PDS5A: variants seen among roughly 807,000 people sequenced by gnomAD.
PDS5A encodes the protein sister chromatid cohesion protein PDS5 homolog A.
A neutral mutation model predicts 167.1 loss-of-function variants in PDS5A; 42 were observed. The ratio of observed to expected loss-of-function variants is 0.25; its 90% CI spans 0.20 to 0.33. The LOEUF is 0.33. Ranked by LOEUF, PDS5A falls within the 10% of genes least tolerant of loss-of-function variation. The pLI is 1.00. For synonymous variants in PDS5A, 553 were observed against 554.6 expected, an observed-to-expected ratio of 1.00 and a Z score of 0.04; for missense variants, 1,033 against 1,605.9, an observed-to-expected ratio of 0.64 and a Z score of 6.10.
intron 28 of PDS5A, chr4:39,847,818 AG>A (rs1717758942): frequency 1.3e-5 from 2 of 152,200 alleles, no homozygotes; most frequent in Non-Finnish European, 2.9e-5. Flanking sequence ...TCTCTAAGCT[AG>A]GGGTCTCCAA....
In PDS5A at chr4:39,898,816, T is replaced by A. The variant is rs745893462; in HGVS notation, c.1591A>T (p.Asn531Tyr). ...AGTTTTCCAAACATGGCAGAACAGTTAGCCTCTGACTGAAATTTAAAACAG... is the reference window on the plus strand; with the variant it reads ...AGTTTTCCAAACATGGCAGAACAGTAAGCCTCTGACTGAAATTTAAAACAG... ...DLHKQPTSEA[N>Y]CSAMFGKLMT... The change falls in exon 15 of 33, where the codon AAC becomes TAC. Residue 531 changes from asparagine (N) to tyrosine (Y), a missense_variant. Physicochemically the swap from Asn to Tyr is moderately radical, Grantham distance 143. This residue lies in a region of PDS5A where 45 missense variants were observed against 40.2 expected (regional missense o/e 1.12). Coordinates refer to ENST00000303538, the MANE Select transcript of PDS5A (RefSeq NM_001100399.2). The A allele has an allele frequency of 1.8e-5, 28 of 1,589,442 alleles. No homozygotes were observed. Among genetic ancestry groups the A allele is most frequent in the Non-Finnish European group, 2.3e-5 (27 of 1,164,874 alleles).
At chr4:39,944,242 A>G (rs548968760) in intron 2 of PDS5A, among the ~76,000 whole-genome samples, 1 of 152,212 alleles carries the variant, frequency 6.6e-6, no homozygotes, top group African/African-American at 2.4e-5. Context: ...GTAGGTAAGA[A>G]ATGGTTTACT....
At chr4:39,842,629 T>C (rs1717129207) in intron 30 of PDS5A, among the ~76,000 whole-genome samples, 1 of 152,004 alleles carries the variant, frequency 6.6e-6, no homozygotes, top group African/African-American at 2.4e-5. Context: ...CAATATTAAG[T>C]GTTCCTAAGA....
chr4:39,913,816 A>T, intron 8 of PDS5A, 90 bp from the exon 9 acceptor site: 3 of 761,186 alleles, frequency 3.9e-6, no homozygotes. Context: ...ATACTATTTC[A>T]TATTTCTGCT....
intron 7 of PDS5A, among the ~76,000 whole-genome samples, chr4:39,918,714 C>T (rs141860602): frequency 2.6e-5 from 4 of 152,084 alleles, no homozygotes; most frequent in Non-Finnish European, 2.9e-5. Context: ...ATTAGCAGGG[C>T]GTGGTGGCAC....
chr4:39,923,342 A>G (rs1177827607), intron 5 of PDS5A, among the ~76,000 whole-genome samples: 3 of 149,480 alleles, frequency 2.0e-5, no homozygotes, highest in East Asian at 1.9e-4. Context: ...AAAAAAAAAA[A>G]AAAAGAAAAA....
intron 2 of PDS5A, among the ~76,000 whole-genome samples, chr4:39,953,556 C>A (rs561490524): frequency 6.6e-6 from 1 of 151,740 alleles, no homozygotes; most frequent in East Asian, 1.9e-4. Context: ...CATAGTGAGA[C>A]CTTGTCTCTA....
intron 17 of PDS5A, among the ~76,000 whole-genome samples, chr4:39,885,767 G>A (rs1269305665): frequency 2.0e-5 from 3 of 151,338 alleles, no homozygotes; most frequent in East Asian, 3.9e-4. Flanking sequence ...CCAAAACAAA[G>A]CAAACAAAAA....
intron 5 of PDS5A, among the ~76,000 whole-genome samples, chr4:39,924,810 A>G (rs1472877589): frequency 6.6e-6 from 1 of 152,220 alleles, no homozygotes; most frequent in Non-Finnish European, 1.5e-5. Flanking sequence ...TGCTTAATTT[A>G]CTATACAAAA....
chr4:39,860,008 A>T (rs886963735), intron 26 of PDS5A, among the ~76,000 whole-genome samples: 14 of 152,042 alleles, frequency 9.2e-5, no homozygotes, highest in African/African-American at 3.4e-4. Flanking sequence ...CCAAGGTGGG[A>T]GGATTGCTTG....
chr4:39,951,663 G>A (rs192259373), intron 2 of PDS5A, among the ~76,000 whole-genome samples: 3 of 152,302 alleles, frequency 2.0e-5, no homozygotes, highest in African/African-American at 7.2e-5. Flanking sequence ...CACTTTGGGA[G>A]GCCAAGGCGG....
intron 16 of PDS5A, among the ~76,000 whole-genome samples, chr4:39,894,719 A>T (rs1722245296): frequency 6.6e-6 from 1 of 152,232 alleles, no homozygotes; most frequent in East Asian, 1.9e-4. Context: ...GAACAAAGTT[A>T]GACATATGTA....
rs1211696642 is a variant in PDS5A, at chr4:39,837,837, G to A, written c.4010+19C>T. 4 of 1,550,460 alleles carry A rather than the reference G, an allele frequency of 2.6e-6. No homozygotes were observed. In the South Asian group the frequency reaches 3.5e-5, roughly 14 times the overall value. On this transcript the variant is annotated intron_variant, in intron 32 of 32. Coordinates refer to ENST00000303538, the MANE Select transcript of PDS5A (RefSeq NM_001100399.2). ...CAAAATGTCTAAATTCCCACTTGAG[G>A]AAGAATGGCGTACATTACCTTTGTA...
At chr4:39,835,584 C>T (rs1001723061) in intron 32 of PDS5A, among the ~76,000 whole-genome samples, 5 of 151,946 alleles carry the variant, frequency 3.3e-5, no homozygotes, top group South Asian at 4.2e-4. Context: ...GTGTAGTGGC[C>T]GGATCTCGGC....
In PDS5A at chr4:39,866,958, T is replaced by C; in HGVS notation, c.2545A>G (p.Met849Val). ...IKLLVRWLLG[M>V]KNNQSKSANS... is the part of the protein sequence containing the mutation. ...GCAGATTTAGACTGGTTGTTTTTCA[T>C]ACCCAACAGCCACCTTACCAGAAGT... Residue 849 changes from methionine to valine, a missense_variant, in exon 23 of 33, where the codon ATG becomes GTG. Physicochemically the swap from Met to Val is conservative, Grantham distance 21. Transcript: ENST00000303538. The C allele has an allele frequency of 1.9e-6, 3 of 1,612,610 alleles. No individual in the cohort carries two copies. The highest frequency in any genetic ancestry group is 2.2e-5 in the East Asian group (1 of 44,816).
chr4:39,844,880 G>A (rs1717451178), intron 29 of PDS5A, 79 bp from the exon 30 acceptor site: 3 of 1,407,580 alleles, frequency 2.1e-6, no homozygotes, highest in Admixed American at 2.7e-5. Flanking sequence ...TTAGACACAA[G>A]TAAGAGATAT....
intron 16 of PDS5A, among the ~76,000 whole-genome samples, chr4:39,897,771 T>C (rs1722551177): frequency 6.6e-6 from 1 of 151,698 alleles, no homozygotes; most frequent in Non-Finnish European, 1.5e-5. Flanking sequence ...AAGGCTGGGG[T>C]ATAGGATCAC....
At chr4:39,850,465 C>T (rs954112793) in intron 26 of PDS5A, among the ~76,000 whole-genome samples, 1 of 151,926 alleles carries the variant, frequency 6.6e-6, no homozygotes, top group African/African-American at 2.4e-5. Context: ...AAAAAAGTGA[C>T]ACCCTCTCAA....
At chr4:39,899,103 T>C (rs1722660566) in intron 14 of PDS5A, among the ~76,000 whole-genome samples, 1 of 152,176 alleles carries the variant, frequency 6.6e-6, no homozygotes. Flanking sequence ...GAAAGTTACA[T>C]TGCCAGAAGA....
Sources: allele counts gnomAD v4.1 joint callset (sites outside exome capture counted in the v4.1 genomes callset), GRCh38; gene constraint gnomAD v4.1.1; regional missense constraint gnomAD v4.1.1; transcripts MANE v1.5; gene names NCBI Gene and HGNC (gene_info 2026-07-23, HGNC 2026-07-21).